The following AGTPBP1 variants were observed in gnomAD, a reference collection of about 807,000 sequenced individuals.
The protein encoded by AGTPBP1 is ATP/GTP binding carboxypeptidase 1.
Under a neutral mutation model 143.9 loss-of-function variants are expected in AGTPBP1, and 70 were observed. The observed-to-expected ratio is 0.49, with a 90% CI of 0.40 to 0.59. The LOEUF is 0.59. AGTPBP1 is among the 20% of genes least tolerant of loss of function. The probability of loss-of-function intolerance (pLI) is 0.00; values close to 1 mark genes in which losing one functional copy is unlikely to be tolerated. For synonymous variants in AGTPBP1, 463 were observed against 500.2 expected (o/e 0.93, Z 0.99); for missense variants, 1,229 against 1,464.5 (o/e 0.84, Z 2.62).
At chr9:85,657,871 T>G (rs950000267) in intron 9 of AGTPBP1, among the ~76,000 whole-genome samples, 8 of 152,300 alleles carry the variant, frequency 5.3e-5, no homozygotes, top group East Asian at 3.9e-4. Context: ...TTTCACGATT[T>G]ATAAATATCA....
Position 85,596,449 on chromosome 9 carries a change from C to A in AGTPBP1, c.2336G>T (p.Gly779Val). ...AACCGAATACATGAGTGGTTGCATA[C>A]CTTTGAAAGAGAGAAAAAAAGAGAG... ...CEKSNSQFNY[G>V]MQPLMYSVQE... The change falls in exon 18 of 26, where the codon GGT becomes GTT. Residue 779 changes from glycine (G) to valine (V), a missense_variant and splice_region_variant. Around this residue, in one of 2 missense-constraint regions of AGTPBP1, gnomAD observed 486 missense variants for 652.3 expected, o/e 0.75. Transcript: ENST00000357081. 1 of 1,558,226 alleles carries A rather than the reference C, an allele frequency of 6.4e-7. No individual in the cohort carries two copies.
the AGTPBP1 span, among the ~76,000 whole-genome samples, chr9:85,782,892 C>T: frequency 6.6e-6 from 1 of 152,130 alleles, no homozygotes; most frequent in Non-Finnish European, 1.5e-5. Context: ...AAAACTTTAA[C>T]TTGAAACATT....
intron 1 of AGTPBP1, among the ~76,000 whole-genome samples, chr9:85,729,648 T>C (rs561815781): frequency 6.6e-6 from 1 of 151,724 alleles, no homozygotes; most frequent in South Asian, 2.1e-4. Flanking sequence ...ATACAAGGGG[T>C]TAATATCTTA....
intron 1 of AGTPBP1, among the ~76,000 whole-genome samples, chr9:85,738,398 A>C (rs1276779380): frequency 6.6e-6 from 1 of 152,228 alleles, no homozygotes; most frequent in Non-Finnish European, 1.5e-5. Flanking sequence ...CTGATTTCAC[A>C]CTATATAATA....
At chr9:85,653,550 TG>T (rs536799435) in intron 11 of AGTPBP1, among the ~76,000 whole-genome samples, 201 of 152,332 alleles carry the variant, frequency 1.3e-3, no homozygotes, top group African/African-American at 4.6e-3. Flanking sequence ...GTGTTACTAC[TG>T]GCCGCAGCAC....
At chr9:85,662,368 G>A (rs1264456247) in intron 8 of AGTPBP1, among the ~76,000 whole-genome samples, 1 of 152,150 alleles carries the variant, frequency 6.6e-6, no homozygotes, top group Non-Finnish European at 1.5e-5. Context: ...AATGTGAAGT[G>A]TTGGTGAGTT....
chr9:85,548,660 C>G (rs1382812820), intron 25 of AGTPBP1, among the ~76,000 whole-genome samples: 1 of 148,490 alleles, frequency 6.7e-6, no homozygotes, highest in Non-Finnish European at 1.5e-5. Flanking sequence ...GATTATTTGG[C>G]TTTGGTTTTT....
At chr9:85,749,197 G>A in the AGTPBP1 span, among the ~76,000 whole-genome samples, 5 of 151,646 alleles carry the variant, frequency 3.3e-5, no homozygotes, top group Non-Finnish European at 7.4e-5. Context: ...GTCTTACTAT[G>A]TTGCCCAGGC....
chr9:85,547,498 A>C (rs1283857451), intron 25 of AGTPBP1, among the ~76,000 whole-genome samples: 1 of 152,246 alleles, frequency 6.6e-6, no homozygotes, highest in East Asian at 1.9e-4. Context: ...CATTAATTGT[A>C]TTACAAGAGT....
chr9:85,764,754 T>G, the AGTPBP1 span: 1 of 1,304,996 alleles, frequency 7.7e-7, no homozygotes, highest in Non-Finnish European at 1.1e-6. Flanking sequence ...CTGAACTTAA[T>G]GGAACAAGAC....
At chr9:85,580,956 A>G (rs952796049) in intron 23 of AGTPBP1, among the ~76,000 whole-genome samples, 2 of 152,368 alleles carry the variant, frequency 1.3e-5, no homozygotes, top group Middle Eastern at 6.8e-3. Context: ...GCATATCTAT[A>G]CGGATGTGCT....
chr9:85,586,902 C>T lies in AGTPBP1; in HGVS notation c.2962G>A (p.Asp988Asn), dbSNP rs1378702619. Residue 988 changes from aspartate (D) to asparagine (N), a missense_variant, in exon 22 of 26, where the codon GAT becomes AAT. Coordinates refer to ENST00000357081, the MANE Select transcript of AGTPBP1 (RefSeq NM_001330701.2). ...LNRQWQSPSP[D>N]LHPTIYHAKG... is the part of the protein sequence containing the mutation. Reference sequence around the variant, plus strand: ...GCATGGTAAATTGTAGGATGTAAATCCGGACTTGGACTTTGCCACTGCCTA... The same window carrying T: ...GCATGGTAAATTGTAGGATGTAAATTCGGACTTGGACTTTGCCACTGCCTA... 1 of 1,613,914 alleles carries T rather than the reference C, an allele frequency of 6.2e-7. No homozygotes were observed. The highest frequency in any genetic ancestry group is 1.3e-5 in the African/African-American group (1 of 74,914).
At chr9:85,664,158 G>C (rs62569191) in intron 8 of AGTPBP1, among the ~76,000 whole-genome samples, 2,514 of 152,186 alleles carry the variant, frequency 0.017, 22 homozygotes, top group Middle Eastern at 0.051. Context: ...ATGACTGCTA[G>C]GGCCAAAGGG....
At position 85,677,568 on chromosome 9, in the gene AGTPBP1, C is replaced by T. The variant is rs372728621; in HGVS notation, c.304G>A (p.Val102Met). The T allele has an allele frequency of 7.7e-5, 117 of 1,529,120 alleles. No individual in the cohort carries two copies. Among genetic ancestry groups the T allele is most frequent in the Non-Finnish European group, 9.8e-5 (112 of 1,147,060 alleles). The allele number at this position is 1,529,120 out of a possible 1,614,324, so 94.7% of individuals were successfully genotyped here. The change falls in exon 6 of 26, where the codon GTG becomes ATG. Residue 102 changes from valine to methionine, a missense_variant. Val to Met is a conservative substitution (Grantham distance 21). Transcript: ENST00000357081. Reference protein sequence around the residue: ...ELVSAGGGRRVSFLVTKGGSQ... With the variant: ...ELVSAGGGRRMSFLVTKGGSQ... ...CCACCTTTGGTGACTAAGAAACTCA[C>T]TCTTCGACCTCCACCTAAAAATTAA...
chr9:85,701,252 T>C (rs978265310), intron 2 of AGTPBP1, among the ~76,000 whole-genome samples: 8 of 147,510 alleles, frequency 5.4e-5, no homozygotes, highest in Non-Finnish European at 1.2e-4. Context: ...TTTTTTGAGA[T>C]GGAGTCTTGC....
Position 85,712,495 on chromosome 9 carries a change from A to C in AGTPBP1, c.32+7T>G. 6.8e-7 allele frequency: 1 copy of C among 1,468,914 alleles called. No homozygotes were observed. 91.0% of individuals were successfully genotyped at this position (1,468,914 alleles called of 1,614,324 possible). On this transcript the variant is annotated splice_region_variant and intron_variant, in intron 2 of 25. Transcript: ENST00000357081. ...CTTATGCATACTGATATTCAGAATTACAGTACCTTTTTTCTGGTATCACTT... is the reference window on the plus strand; with the variant it reads ...CTTATGCATACTGATATTCAGAATTCCAGTACCTTTTTTCTGGTATCACTT...
intron 3 of AGTPBP1, among the ~76,000 whole-genome samples, chr9:85,684,925 C>G (rs1415488432): frequency 1.3e-5 from 2 of 151,390 alleles, no homozygotes; most frequent in Admixed American, 1.3e-4. Flanking sequence ...TGGGAAAACA[C>G]AGCAGAGAAA....
the AGTPBP1 span, among the ~76,000 whole-genome samples, chr9:85,757,341 A>T: frequency 6.6e-6 from 1 of 152,022 alleles, no homozygotes; most frequent in Non-Finnish European, 1.5e-5. Context: ...CTGGAATTAC[A>T]GGCATGAGCC....
At chr9:85,700,938 G>A (rs1167739189) in intron 2 of AGTPBP1, among the ~76,000 whole-genome samples, 1 of 151,292 alleles carries the variant, frequency 6.6e-6, no homozygotes, top group African/African-American at 2.4e-5. Context: ...TCTTTTTTGA[G>A]ACAGGGTCTT....
Sources: gnomAD v4.1 joint callset for allele counts (sites outside exome capture counted in the v4.1 genomes callset) on GRCh38, gnomAD v4.1.1 for gene constraint, gnomAD v4.1.1 regional missense constraint, MANE v1.5 for transcripts, NCBI Gene and HGNC (gene_info 2026-07-23, HGNC 2026-07-21) for gene names.